Variants in MAN1A1 observed in about 807,000 individuals in gnomAD.
MAN1A1 encodes the protein mannosidase alpha class 1A member 1, also known as mannosyl-oligosaccharide 1,2-alpha-mannosidase IA.
A neutral mutation model predicts 70.8 loss-of-function variants in MAN1A1; 29 were observed. That is an observed-to-expected ratio of 0.41 (90% confidence interval 0.31 to 0.56). The LOEUF is 0.56. MAN1A1 is among the 20% of genes least tolerant of loss of function. The pLI is 0.29. For missense variants in MAN1A1, 747 were observed against 841.3 expected (o/e 0.89, Z 1.39); for synonymous variants, 349 against 330.1 (o/e 1.06, Z -0.62).
intron 2 of MAN1A1, among the ~76,000 whole-genome samples, chr6:119,315,199 C>A (rs143534228): frequency 2.0e-5 from 3 of 152,314 alleles, no homozygotes; most frequent in African/African-American, 7.2e-5. Flanking sequence ...GTCCTGAATT[C>A]TCCTACAGCC....
chr6:119,198,654 CA>C (rs1365715339), intron 8 of MAN1A1, among the ~76,000 whole-genome samples: 1 of 152,024 alleles, frequency 6.6e-6, no homozygotes, highest in East Asian at 1.9e-4. Flanking sequence ...CAAAACAAAA[CA>C]AAAAATTAGT....
chr6:119,189,949 C>G, intron 9 of MAN1A1, 66 bp from the exon 10 acceptor site: 1 of 1,218,180 alleles, frequency 8.2e-7, no homozygotes, highest in South Asian at 1.4e-5. Flanking sequence ...AAAATATGCC[C>G]AACATTAAAA....
intron 11 of MAN1A1, among the ~76,000 whole-genome samples, chr6:119,184,371 AG>A (rs377476362): frequency 1.2e-4 from 19 of 152,214 alleles, no homozygotes; most frequent in African/African-American, 3.9e-4. Context: ...CAAAGGATGA[AG>A]GGTAGGTAAG....
At chr6:119,218,666 C>T (rs768931857) in intron 6 of MAN1A1, among the ~76,000 whole-genome samples, 2 of 152,004 alleles carry the variant, frequency 1.3e-5, no homozygotes, top group African/African-American at 4.8e-5. Context: ...AGCTTTTCTC[C>T]CACATCTCAA....
intron 5 of MAN1A1, among the ~76,000 whole-genome samples, chr6:119,270,466 CATT>C (rs1189073189): frequency 6.6e-6 from 1 of 152,110 alleles, no homozygotes; most frequent in African/African-American, 2.4e-5. Context: ...AATTTTAGAA[CATT>C]ATCATCATCT....
chr6:119,297,137 C>T lies in MAN1A1; in HGVS notation c.816+4851G>A, dbSNP rs982265929. On this transcript the variant is annotated intron_variant, in intron 4 of 12. Transcript: ENST00000368468. Reference sequence around the variant, plus strand: ...AAATTAGAAATGCCCAAATAGGAAACCCTTGATCATTTGTTCTTATGCAAC... The same window carrying T: ...AAATTAGAAATGCCCAAATAGGAAATCCTTGATCATTTGTTCTTATGCAAC... Among the ~76,000 whole-genome samples, 11 of 152,130 alleles carry T rather than the reference C, an allele frequency of 7.2e-5. No homozygotes were observed. In the East Asian group the frequency reaches 2.1e-3, roughly 29 times the overall value.
At chr6:119,270,329 T>C (rs1014105800) in intron 5 of MAN1A1, among the ~76,000 whole-genome samples, 2 of 152,250 alleles carry the variant, frequency 1.3e-5, no homozygotes, top group Admixed American at 6.5e-5. Context: ...ATATATCATA[T>C]GCTCATATTA....
At chr6:119,297,735 CTTTTTTT>C (rs386408421) in intron 4 of MAN1A1, among the ~76,000 whole-genome samples, 230 of 95,684 alleles carry the variant, frequency 2.4e-3, no homozygotes, top group African/African-American at 6.0e-3. Context: ...AAATAGTTTC[CTTTTTTT>C]TTTTTTTTTT....
intron 6 of MAN1A1, among the ~76,000 whole-genome samples, chr6:119,233,245 C>A (rs1774737922): frequency 6.6e-6 from 1 of 152,170 alleles, no homozygotes; most frequent in Non-Finnish European, 1.5e-5. Context: ...AGCGATTTCA[C>A]ATGAAAACCA....
intron 6 of MAN1A1, among the ~76,000 whole-genome samples, chr6:119,217,345 A>G (rs1774233956): frequency 6.6e-6 from 1 of 152,044 alleles, no homozygotes; most frequent in Non-Finnish European, 1.5e-5. Flanking sequence ...GCAGTGGCCC[A>G]GTTTCGGCTC....
chr6:119,267,299 C>A (rs1775784211), intron 5 of MAN1A1, among the ~76,000 whole-genome samples: 2 of 151,714 alleles, frequency 1.3e-5, no homozygotes, highest in African/African-American at 4.9e-5. Flanking sequence ...TACAGCAGCA[C>A]TTTCAGACAT....
At chr6:119,186,653 C>T (rs980230407) in intron 11 of MAN1A1, among the ~76,000 whole-genome samples, 4 of 152,190 alleles carry the variant, frequency 2.6e-5, no homozygotes, top group Non-Finnish European at 5.9e-5. Context: ...AGCTCTTCCA[C>T]CTTCTTTTCC....
rs1420078131 is a variant in MAN1A1 at position 119,179,574 on chromosome 6, A to C, written c.*245T>G. 3.5e-6 allele frequency: 1 copy of C among 283,310 alleles called. No individual in the cohort carries two copies. Among genetic ancestry groups the C allele is most frequent in the African/African-American group, 2.1e-5 (1 of 47,090 alleles). The allele number at this position is 283,310 out of a possible 1,614,324, so 17.5% of individuals were successfully genotyped here. A position where few individuals can be genotyped will look rare whatever the true frequency, so the allele number is the denominator to read the frequency against. On this transcript the variant is annotated 3_prime_UTR_variant, in exon 13 of 13. Transcript: ENST00000368468. ...TATTACACCTTCATGAAATCCAGAG[A>C]TAATAGGTTACTTAAAAACATAAAC... is the stretch of plus-strand genomic sequence containing the variant.
intron 5 of MAN1A1, among the ~76,000 whole-genome samples, chr6:119,277,970 T>TAAAC (rs1182172925): frequency 1.0e-5 from 1 of 98,228 alleles, no homozygotes; most frequent in East Asian, 2.9e-4. Context: ...TAAAAATAAA[T>TAAAC]AAATAAATAA....
chr6:119,324,690 G>A (rs2114481881), intron 2 of MAN1A1, among the ~76,000 whole-genome samples: 1 of 152,114 alleles, frequency 6.6e-6, no homozygotes, highest in South Asian at 2.1e-4. Flanking sequence ...CTTTATTGTA[G>A]AACTCAGAGC....
At position 119,190,871 on chromosome 6, in the gene MAN1A1, A is replaced by C. The variant is rs542430600; in HGVS notation, c.1327-988T>G. On this transcript the variant is annotated intron_variant, in intron 9 of 12. Coordinates refer to ENST00000368468, the MANE Select transcript of MAN1A1 (RefSeq NM_005907.4). ...ATTGCTAATCTCCAATTACTCTAAC[A>C]GAAAATGTTCTCCCCACTGCCCCAC... Among the ~76,000 whole-genome samples, 7 of 152,362 alleles carry C rather than the reference A, an allele frequency of 4.6e-5. No homozygotes were observed. The South Asian group carries it at 1.4e-3, about 32-fold the overall frequency.
intron 5 of MAN1A1, among the ~76,000 whole-genome samples, chr6:119,280,126 C>T (rs1374750167): frequency 6.6e-6 from 1 of 152,238 alleles, no homozygotes; most frequent in East Asian, 1.9e-4. Context: ...CCTATTTTCT[C>T]AGTGTATAAT....
intron 5 of MAN1A1, among the ~76,000 whole-genome samples, chr6:119,260,606 T>A (rs1229075769): frequency 6.6e-6 from 1 of 152,234 alleles, no homozygotes; most frequent in Non-Finnish European, 1.5e-5. Flanking sequence ...ACTTTGCTAA[T>A]CCCTGAATTT....
chr6:119,290,449 G>C (rs1776503797), intron 5 of MAN1A1, among the ~76,000 whole-genome samples: 1 of 151,830 alleles, frequency 6.6e-6, no homozygotes, highest in Admixed American at 6.6e-5. Flanking sequence ...ACATAATAGA[G>C]CCAGTTTCTA....
Sources: gnomAD v4.1 joint callset for allele counts (sites outside exome capture counted in the v4.1 genomes callset) on GRCh38, gnomAD v4.1.1 for gene constraint, MANE v1.5 for transcripts, NCBI Gene and HGNC (gene_info 2026-07-23, HGNC 2026-07-21) for gene names.